The following PKHD1L1 variants were observed in gnomAD, a reference collection of about 807,000 sequenced individuals.
The protein encoded by PKHD1L1 is fibrocystin-L.
Under a neutral mutation model 462.9 loss-of-function variants are expected in PKHD1L1, and 434 were observed. That is an observed-to-expected ratio of 0.94 (90% confidence interval 0.87 to 1.02). PKHD1L1 has a LOEUF of 1.02. PKHD1L1 is among the 50% of genes least tolerant of loss of function. PKHD1L1 has a pLI of 0.00. For synonymous variants in PKHD1L1, 1,781 were observed against 1,750.0 expected (o/e 1.02, Z -0.44); for missense variants, 5,202 against 5,096.1 (o/e 1.02, Z -0.63).
chr8:109,370,485 A>T (rs1811445748), intron 2 of PKHD1L1, among the ~76,000 whole-genome samples: 1 of 151,132 alleles, frequency 6.6e-6, no homozygotes, highest in Non-Finnish European at 1.5e-5. Context: ...ATTTTATTTT[A>T]TTTATTTTAT....
intron 58 of PKHD1L1, among the ~76,000 whole-genome samples, chr8:109,485,976 T>C (rs1168067176): frequency 6.6e-6 from 1 of 151,990 alleles, no homozygotes; most frequent in Admixed American, 6.6e-5. Context: ...AAGTTTGACA[T>C]TATAGATTCT....
At chr8:109,371,040 G>C (rs1811481265) in intron 2 of PKHD1L1, among the ~76,000 whole-genome samples, 1 of 151,982 alleles carries the variant, frequency 6.6e-6, no homozygotes, top group Admixed American at 6.6e-5. Flanking sequence ...GGGATGGCTG[G>C]ATCAAATTTC....
chr8:109,419,116 G>A lies in PKHD1L1; in HGVS notation c.2380G>A (p.Asp794Asn), dbSNP rs763154135. ...TTTCAGCTGGACTTACACTTGCATA[G>A]ACCTTCTGGATCTCGTAAGAACGAA... ...YGNNWTYTCI[D>N]LLDLVRTKYT... The change falls in exon 22 of 78, where the codon GAC becomes AAC. Residue 794 changes from aspartate (D) to asparagine (N), a missense_variant. By Grantham distance (23) the Asp-to-Asn change is conservative (BLOSUM62 1). This residue lies in a region of PKHD1L1 where 4,497 missense variants were observed against 4,336.8 expected (regional missense o/e 1.04). Transcript: ENST00000378402. 7 of 1,613,084 alleles carry A rather than the reference G, an allele frequency of 4.3e-6. No individual in the cohort carries two copies. The highest frequency in any genetic ancestry group is 5.9e-6 in the Non-Finnish European group (7 of 1,179,412).
chr8:109,419,223 G>A lies in PKHD1L1; in HGVS notation c.2487G>A (p.Val829=), dbSNP rs1563754945. The A allele has an allele frequency of 6.2e-7, 1 of 1,611,250 alleles. No homozygotes were observed. The highest frequency in any genetic ancestry group is 2.2e-5 in the East Asian group (1 of 44,798). ...CACAGTCCTTCTATGTGGATGTAGT[G>A]TACATTGGACACACATCTACAATCT... The part of the protein sequence containing the change: ...SESQSFYVDV[V]YIGHTSTIST... Residue 829 remains valine (V), a synonymous_variant, in exon 22 of 78, where the codon GTG becomes GTA. Coordinates refer to ENST00000378402, the MANE Select transcript of PKHD1L1 (RefSeq NM_177531.6).
At chr8:109,486,917 A>T in intron 59 of PKHD1L1, 96 bp downstream of exon 59, 3 of 1,262,890 alleles carry the variant, frequency 2.4e-6, no homozygotes, top group Non-Finnish European at 3.3e-6. Context: ...TTTTAATAAG[A>T]TTATGTGGGA....
intron 77 of PKHD1L1, among the ~76,000 whole-genome samples, chr8:109,529,055 A>T (rs77516194): frequency 0.016 from 2,428 of 152,304 alleles, 24 homozygotes; most frequent in Non-Finnish European, 0.024. Context: ...TTAGAAGAAT[A>T]CTAAAGCATA....
chr8:109,488,109 A>T (rs1437479176), intron 59 of PKHD1L1, among the ~76,000 whole-genome samples: 1 of 151,964 alleles, frequency 6.6e-6, no homozygotes, highest in Non-Finnish European at 1.5e-5. Flanking sequence ...CTTCTCATTT[A>T]TAATAAAGAA....
At chr8:109,425,830 G>A (rs1814718020) in intron 24 of PKHD1L1, among the ~76,000 whole-genome samples, 1 of 152,076 alleles carries the variant, frequency 6.6e-6, no homozygotes, top group Non-Finnish European at 1.5e-5. Flanking sequence ...CACTTAAAAT[G>A]TGACTAGTGC....
rs10111682 is a variant in PKHD1L1, at chr8:109,533,671, A to T, written c.*3581A>T. Among the ~76,000 whole-genome samples the T allele has an allele frequency of 0.83, 125,634 of 152,132 alleles. 52,207 individuals carry two copies. Among genetic ancestry groups the T allele is most frequent in the Middle Eastern group, 0.95 (279 of 294 alleles). ...TTTCTTCATCCCTTTCTGTTTTTCC[A>T]GCTACATGGAGCAAGATGGCTCCTG... On this transcript the variant is annotated 3_prime_UTR_variant, in exon 78 of 78. Coordinates refer to ENST00000378402, the MANE Select transcript of PKHD1L1 (RefSeq NM_177531.6).
intron 61 of PKHD1L1, among the ~76,000 whole-genome samples, chr8:109,491,601 G>A (rs1341704721): frequency 1.3e-5 from 2 of 151,788 alleles, no homozygotes; most frequent in African/African-American, 4.8e-5. Flanking sequence ...AGCTGTGGGT[G>A]TGTTTGTTAA....
Position 109,441,353 on chromosome 8 carries a change from G to A in PKHD1L1, c.4178G>A (p.Arg1393Lys). ...CTTCATTCAACTGGGAATATATTCA[G>A]GATTACCAACAATGGGAAAGATTCA... ...CILHSTGNIF[R>K]ITNNGKDSVH... Residue 1393 changes from arginine (R) to lysine (K), a missense_variant, in exon 34 of 78, where the codon AGG becomes AAG. Coordinates refer to ENST00000378402, the MANE Select transcript of PKHD1L1 (RefSeq NM_177531.6). 1 of 1,572,574 alleles carries A rather than the reference G, an allele frequency of 6.4e-7. No homozygotes were observed.
chr8:109,456,151 A>T, intron 45 of PKHD1L1, 111 bp from the exon 46 acceptor site: 2 of 1,141,046 alleles, frequency 1.8e-6, no homozygotes, highest in Non-Finnish European at 2.4e-6. Context: ...GCTAAGGTAA[A>T]ATGAGCCTCT....
In PKHD1L1 at chr8:109,465,166, G is replaced by C; in HGVS notation, c.8334G>C (p.Gln2778His). 6.2e-7 allele frequency: 1 copy of C among 1,613,774 alleles called. No individual in the cohort carries two copies. Among genetic ancestry groups the C allele is most frequent in the Non-Finnish European group, 8.5e-7 (1 of 1,179,760 alleles). Residue 2778 changes from glutamine (Q) to histidine (H), a missense_variant, in exon 49 of 78, where the codon CAG becomes CAC. Physicochemically the swap from Gln to His is conservative, Grantham distance 24. Around this residue, in one of 3 missense-constraint regions of PKHD1L1, gnomAD observed 4,497 missense variants for 4,336.8 expected, o/e 1.04. Transcript: ENST00000378402. ...GGWSAKFVDV[Q>H]YSHTPNKAGF... is the part of the protein sequence containing the mutation. ...GGAGTGCAAAGTTTGTTGACGTCCAGTATTCTCACACACCGAACAAGGCTG... is the reference window on the plus strand; with the variant it reads ...GGAGTGCAAAGTTTGTTGACGTCCACTATTCTCACACACCGAACAAGGCTG...
At position 109,427,092 on chromosome 8, in the gene PKHD1L1, C is replaced by CCTGT; in HGVS notation, c.2937_2940dup (p.Ala981LeufsTer23). ...AGAATCTCAGTTACACGAGAGGGAA[C>CCTGT]CTGTGCTGGCTACGCGTGGAACATC... On this transcript the variant is annotated frameshift_variant, in exon 25 of 78. Coordinates refer to ENST00000378402, the MANE Select transcript of PKHD1L1 (RefSeq NM_177531.6). LOFTEE classifies it high-confidence loss of function. The CCTGT allele has an allele frequency of 6.2e-7, 1 of 1,613,950 alleles. No individual in the cohort carries two copies. Among genetic ancestry groups the CCTGT allele is most frequent in the African/African-American group, 1.3e-5 (1 of 75,046 alleles).
chr8:109,445,639 A>G lies in PKHD1L1; in HGVS notation c.5770A>G (p.Ser1924Gly). The part of the protein sequence containing the change: ...DTPFLRGIIP[S>G]RGPPGTEIEI... ...TCCATTTCTCAGAGGAATTATCCCA[A>G]GCAGAGGTACTCCAATATCTGCCTT... is the stretch of plus-strand genomic sequence containing the variant. The change falls in exon 38 of 78, where the codon AGC (serine) becomes GGC (glycine). Residue 1924 changes from serine to glycine, a missense_variant. Coordinates refer to ENST00000378402, the MANE Select transcript of PKHD1L1 (RefSeq NM_177531.6). 1 of 1,603,020 alleles carries G rather than the reference A, an allele frequency of 6.2e-7. No individual in the cohort carries two copies. Among genetic ancestry groups the G allele is most frequent in the Non-Finnish European group, 8.5e-7 (1 of 1,171,850 alleles).
chr8:109,383,736 C>T (rs1386658222), intron 4 of PKHD1L1, among the ~76,000 whole-genome samples: 4 of 151,734 alleles, frequency 2.6e-5, no homozygotes, highest in South Asian at 4.2e-4. Context: ...GGTCTTAAAG[C>T]GACCTAAATT....
intron 28 of PKHD1L1, among the ~76,000 whole-genome samples, chr8:109,434,267 A>G (rs984971368): frequency 1.3e-5 from 2 of 151,854 alleles, no homozygotes; most frequent in African/African-American, 4.8e-5. Context: ...AGAGAGAAAA[A>G]TATCACTCTT....
intron 46 of PKHD1L1, among the ~76,000 whole-genome samples, chr8:109,457,303 C>T (rs1816878946): frequency 6.6e-6 from 1 of 152,046 alleles, no homozygotes; most frequent in Non-Finnish European, 1.5e-5. Flanking sequence ...AGCTTTAGTG[C>T]TCATTTTGTT....
rs763365650 is a variant in PKHD1L1, at chr8:109,429,419, AT to A, written c.3081del (p.His1027GlnfsTer42). On this transcript the variant is annotated frameshift_variant, in exon 26 of 78. Coordinates refer to ENST00000378402, the MANE Select transcript of PKHD1L1 (RefSeq NM_177531.6). LOFTEE classifies it high-confidence loss of function. ...RIKEGGLFRQ[H>X]VLGDLLRTPS... Reference sequence around the variant, plus strand: ...AAGGAAGGTGGCTTATTCAGACAACATGTACTTGGAGACCTACTTCGTACAC... The same window carrying A: ...AAGGAAGGTGGCTTATTCAGACAACAGTACTTGGAGACCTACTTCGTACAC... 1 of 1,606,972 alleles carries A rather than the reference AT, an allele frequency of 6.2e-7. No homozygotes were observed. Among genetic ancestry groups the A allele is most frequent in the South Asian group, 1.1e-5 (1 of 89,732 alleles).
Sources: gnomAD v4.1 joint callset for allele counts (sites outside exome capture counted in the v4.1 genomes callset) on GRCh38, gnomAD v4.1.1 for gene constraint, gnomAD v4.1.1 regional missense constraint, MANE v1.5 for transcripts, NCBI Gene and HGNC (gene_info 2026-07-23, HGNC 2026-07-21) for gene names.